Variants in TMEM51 observed in about 807,000 individuals in gnomAD.
TMEM51 encodes transmembrane protein 51.
TMEM51 carries 8 observed loss-of-function variants against 13.6 expected under a neutral mutation model. The observed-to-expected ratio is 0.59, with a 90% CI of 0.35 to 1.07. The LOEUF (loss-of-function observed/expected upper bound fraction) is 1.07. Ranked by LOEUF, TMEM51 falls within the 50% of genes least tolerant of loss-of-function variation. TMEM51 has a pLI of 0.02. For synonymous variants in TMEM51, 147 were observed against 144.4 expected (o/e 1.02, Z -0.13); for missense variants, 279 against 330.7 (o/e 0.84, Z 1.21).
chr1:15,167,326 CAAAAAAAA>C (rs555274126), intron 1 of TMEM51, among the ~76,000 whole-genome samples: 953 of 69,358 alleles, frequency 0.014, 4 homozygotes, highest in African/African-American at 0.039. Flanking sequence ...GACTCCATCT[CAAAAAAAA>C]AAAAAAAAAA....
At chr1:15,184,023 T>C (rs1451732617) in intron 1 of TMEM51, among the ~76,000 whole-genome samples, 1 of 152,210 alleles carries the variant, frequency 6.6e-6, no homozygotes, top group African/African-American at 2.4e-5. Context: ...TTTCCTTTCC[T>C]TCTTCTTTCC....
chr1:15,181,475 C>T (rs371992681), intron 1 of TMEM51, among the ~76,000 whole-genome samples: 5 of 152,212 alleles, frequency 3.3e-5, no homozygotes, highest in African/African-American at 9.6e-5. Context: ...CAAATTAAAC[C>T]GTCTTTTGGA....
chr1:15,186,694 T>G (rs1012515176), intron 1 of TMEM51, among the ~76,000 whole-genome samples: 3 of 152,178 alleles, frequency 2.0e-5, no homozygotes, highest in African/African-American at 7.2e-5. Context: ...AAGAGCCTTA[T>G]GAGCAGGGCT....
chr1:15,219,976 G>T lies in TMEM51; in HGVS notation c.*233G>T. ...ATGCTGCCTTGGAGCTGGTGAATCT[G>T]TGGACCACATTCAAGGGTGTGGCAC... On this transcript the variant is annotated 3_prime_UTR_variant, in exon 4 of 4. Coordinates refer to ENST00000376008, the MANE Select transcript of TMEM51 (RefSeq NM_001136218.2). 1.8e-6 allele frequency: 1 copy of T among 562,572 alleles called. No individual in the cohort carries two copies. Among genetic ancestry groups the T allele is most frequent in the East Asian group, 2.9e-5 (1 of 34,666 alleles). 34.8% of individuals were successfully genotyped at this position (562,572 alleles called of 1,614,324 possible). A position where few individuals can be genotyped will look rare whatever the true frequency, so the allele number is the denominator to read the frequency against.
chr1:15,168,385 A>G (rs759307663), intron 1 of TMEM51: 27 of 1,163,970 alleles, frequency 2.3e-5, no homozygotes, highest in Non-Finnish European at 2.9e-5. Flanking sequence ...GAAGGAAGGA[A>G]GGACTGTAGA....
At chr1:15,170,726 G>T (rs1482697067) in intron 1 of TMEM51, among the ~76,000 whole-genome samples, 1 of 152,052 alleles carries the variant, frequency 6.6e-6, no homozygotes, top group African/African-American at 2.4e-5. Context: ...AAACAGAAAT[G>T]GAGGCAGGTT....
rs182459284 is a variant in TMEM51 at position 15,162,272 on chromosome 1, C to T, written c.-267+8318C>T. ...CTGCCTCCTGGGTTCATGCGATTCT[C>T]ATGCCTCAGCTTCCCAAGTAGCTGG... On this transcript the variant is annotated intron_variant, in intron 1 of 3. Coordinates refer to ENST00000376008, the MANE Select transcript of TMEM51 (RefSeq NM_001136218.2). Among the ~76,000 whole-genome samples, 82 of 152,194 alleles carry T rather than the reference C, an allele frequency of 5.4e-4. 2 individuals carry two copies. In the East Asian group the frequency reaches 0.012, roughly 23 times the overall value.
chr1:15,206,245 A>AG (rs1328184393), intron 1 of TMEM51, among the ~76,000 whole-genome samples: 6 of 67,568 alleles, frequency 8.9e-5, no homozygotes, highest in African/African-American at 2.4e-4. Flanking sequence ...AAAAAAAAAA[A>AG]AGAGAGAGAG....
At position 15,207,187 on chromosome 1, in the gene TMEM51, G is replaced by T. The variant is rs993119292; in HGVS notation, c.-266-3303G>T. Among the ~76,000 whole-genome samples, 2 of 152,194 alleles carry T rather than the reference G, an allele frequency of 1.3e-5. No homozygotes were observed. The highest frequency in any genetic ancestry group is 2.4e-5 in the African/African-American group (1 of 41,450). ...TCGGTGCAGGGAGAATGCTCAAGGA[G>T]CCCCTCTGTCATGGGGGTTGGTAGC... is the stretch of plus-strand genomic sequence containing the variant. On this transcript the variant is annotated intron_variant, in intron 1 of 3. Coordinates refer to ENST00000376008, the MANE Select transcript of TMEM51 (RefSeq NM_001136218.2). This position sits in a 1 kb window ranked among gnomAD's most constrained non-coding sequence, Gnocchi z 4.6.
chr1:15,215,459 C>G (rs376576812), intron 3 of TMEM51, 28 bp downstream of exon 3: 1 of 1,559,582 alleles, frequency 6.4e-7, no homozygotes, highest in African/African-American at 1.4e-5. Flanking sequence ...CCTTCCCTCC[C>G]CGGATCGGGG....
At chr1:15,184,430 C>T (rs12562743) in intron 1 of TMEM51, among the ~76,000 whole-genome samples, 10,618 of 152,248 alleles carry the variant, frequency 0.07, 529 homozygotes, top group East Asian at 0.26. Flanking sequence ...CAGGTCCAGA[C>T]GACAGAGTAC....
At chr1:15,189,741 T>A (rs149539536) in intron 1 of TMEM51, among the ~76,000 whole-genome samples, 71 of 152,326 alleles carry the variant, frequency 4.7e-4, no homozygotes, top group Admixed American at 1.6e-3. Flanking sequence ...TTTACAAAGA[T>A]GACATGCAAA....
At chr1:15,174,823 C>T (rs35510636) in intron 1 of TMEM51, among the ~76,000 whole-genome samples, 25,670 of 152,092 alleles carry the variant, frequency 0.17, 2,421 homozygotes, top group African/African-American at 0.24. Context: ...CCTTGATGCA[C>T]GTGTGCAGAG....
At chr1:15,208,366 A>G (rs189107169) in intron 1 of TMEM51, among the ~76,000 whole-genome samples, 32 of 152,266 alleles carry the variant, frequency 2.1e-4, no homozygotes, top group Admixed American at 1.5e-3. Flanking sequence ...TCATGCCTGC[A>G]ATCCCAGCAC....
Position 15,161,363 on chromosome 1 carries a change from C to G in TMEM51, c.-267+7409C>G, listed in dbSNP as rs531980932. Among the ~76,000 whole-genome samples the G allele has an allele frequency of 6.6e-6, 1 of 151,676 alleles. No individual in the cohort carries two copies. Among genetic ancestry groups the G allele is most frequent in the South Asian group, 2.1e-4 (1 of 4,794 alleles). On this transcript the variant is annotated intron_variant, in intron 1 of 3. Transcript: ENST00000376008. This position sits in a 1 kb window ranked among gnomAD's most constrained non-coding sequence, Gnocchi z 4.0. Reference sequence around the variant, plus strand: ...CTCTACTAAAAATAGAAAAATTACCCGGTATGGTGGCAGGTGCCTGTAATC... The same window carrying G: ...CTCTACTAAAAATAGAAAAATTACCGGGTATGGTGGCAGGTGCCTGTAATC...
chr1:15,219,775 C>G lies in TMEM51; in HGVS notation c.*32C>G, dbSNP rs769026815. Reference sequence around the variant, plus strand: ...CCACTTGAGCCACGCTCCCTCCTGTCTCTCACACCTTTCACCCCCAAGACT... The same window carrying G: ...CCACTTGAGCCACGCTCCCTCCTGTGTCTCACACCTTTCACCCCCAAGACT... On this transcript the variant is annotated 3_prime_UTR_variant, in exon 4 of 4. Transcript: ENST00000376008. 6.3e-7 allele frequency: 1 copy of G among 1,597,526 alleles called. No homozygotes were observed. The highest frequency in any genetic ancestry group is 1.1e-5 in the South Asian group (1 of 88,920).
rs889445109 is a variant in TMEM51, at chr1:15,215,011, G to T, written c.-77G>T. On this transcript the variant is annotated 5_prime_UTR_variant, in exon 3 of 4. Transcript: ENST00000376008. Reference sequence around the variant, plus strand: ...AGAGATTTTGTGGAGCGCATTTAAGGGGTTTTTGTTGTGACTGCTGCCTTG... The same window carrying T: ...AGAGATTTTGTGGAGCGCATTTAAGTGGTTTTTGTTGTGACTGCTGCCTTG... The T allele has an allele frequency of 1.4e-5, 19 of 1,338,548 alleles. No individual in the cohort carries two copies. The African/African-American group carries it at 2.2e-4, about 15-fold the overall frequency. 82.9% of individuals were successfully genotyped at this position (1,338,548 alleles called of 1,614,324 possible). A position where few individuals can be genotyped will look rare whatever the true frequency, so the allele number is the denominator to read the frequency against.
chr1:15,192,832 C>T (rs1376002695), intron 1 of TMEM51: 19 of 171,670 alleles, frequency 1.1e-4, no homozygotes, highest in East Asian at 6.4e-4. Flanking sequence ...CTGAATTCAA[C>T]GGATTTCTGC....
chr1:15,167,535 C>T (rs1355261962), intron 1 of TMEM51, among the ~76,000 whole-genome samples: 6 of 152,016 alleles, frequency 3.9e-5, no homozygotes, highest in Admixed American at 3.3e-4. Context: ...GATTTCATTT[C>T]TCTTGGGGAA....
Sources: gnomAD v4.1 joint callset for allele counts (sites outside exome capture counted in the v4.1 genomes callset) on GRCh38, gnomAD v4.1.1 for gene constraint, Gnocchi (gnomAD v3.1) non-coding constraint, MANE v1.5 for transcripts, NCBI Gene and HGNC (gene_info 2026-07-23, HGNC 2026-07-21) for gene names.